Variants in ELAVL1 observed in about 807,000 individuals in gnomAD.
ELAVL1 encodes the protein ELAV-like protein 1.
ELAVL1 carries 1 observed loss-of-function variant against 28.4 expected under a neutral mutation model. That is an observed-to-expected ratio of 0.04 (90% CI 0.01 to 0.17). The LOEUF is 0.17. Among genes scored for constraint, ELAVL1 ranks in the 10% least tolerant of loss-of-function variants. ELAVL1 has a pLI of 1.00. For synonymous variants in ELAVL1, 174 were observed against 183.5 expected, an observed-to-expected ratio of 0.95 and a Z score of 0.42; for missense variants, 157 against 447.2, an observed-to-expected ratio of 0.35 and a Z score of 5.85.
intron 1 of ELAVL1, 87 bp downstream of exon 1, chr19:8,005,408 G>C (rs2081084070): frequency 6.8e-6 from 1 of 146,316 alleles, no homozygotes; most frequent in Non-Finnish European, 1.5e-5. Flanking sequence ...GTGCAGGCCC[G>C]CGGGCGCCCC....
chr19:7,984,057 G>A (rs1985535906), intron 2 of ELAVL1, among the ~76,000 whole-genome samples: 1 of 152,074 alleles, frequency 6.6e-6, no homozygotes, highest in South Asian at 2.1e-4. Context: ...TTTGGCCCTT[G>A]TCTCTGCCAC....
At chr19:7,980,722 CTGAG>C in intron 3 of ELAVL1, among the ~76,000 whole-genome samples, 1 of 152,156 alleles carries the variant, frequency 6.6e-6, no homozygotes, top group East Asian at 1.9e-4. Flanking sequence ...ACAGTAGGTG[CTGAG>C]TGAGGTGCTG....
intron 4 of ELAVL1, among the ~76,000 whole-genome samples, chr19:7,969,205 G>A (rs1985036444): frequency 6.6e-6 from 1 of 152,180 alleles, no homozygotes; most frequent in Admixed American, 6.5e-5. Context: ...CACCTCTTAA[G>A]GAAAAAGAAA....
intron 1 of ELAVL1, among the ~76,000 whole-genome samples, chr19:7,998,093 C>T (rs991792062): frequency 2.0e-5 from 3 of 152,180 alleles, no homozygotes; most frequent in Admixed American, 6.5e-5. Flanking sequence ...ACTAGTAACA[C>T]GGGAGAAACC....
At chr19:7,998,209 C>CAT (rs2145228588) in intron 1 of ELAVL1, among the ~76,000 whole-genome samples, 1 of 152,268 alleles carries the variant, frequency 6.6e-6, no homozygotes, top group East Asian at 1.9e-4. Context: ...CAATCCTGGG[C>CAT]CAAATCAGCT....
intron 3 of ELAVL1, among the ~76,000 whole-genome samples, chr19:7,980,339 C>A (rs1016052420): frequency 1.1e-4 from 17 of 152,196 alleles, no homozygotes; most frequent in African/African-American, 4.1e-4. Flanking sequence ...CGGAAAGACA[C>A]GAGGCTTGAT....
intron 2 of ELAVL1, among the ~76,000 whole-genome samples, chr19:7,984,817 C>T (rs560723510): frequency 1.3e-5 from 2 of 152,360 alleles, no homozygotes; most frequent in African/African-American, 4.8e-5. Flanking sequence ...AGCACCTGAC[C>T]ACCCACCTCC....
chr19:7,973,595 C>G, intron 4 of ELAVL1, 130 bp downstream of exon 4: 2 of 1,188,104 alleles, frequency 1.7e-6, no homozygotes, highest in East Asian at 2.5e-5. Context: ...AACGTCTTCT[C>G]ATTTTGGTGC....
intron 1 of ELAVL1, among the ~76,000 whole-genome samples, chr19:8,001,799 C>G (rs976055773): frequency 2.0e-5 from 3 of 152,132 alleles, no homozygotes; most frequent in African/African-American, 7.2e-5. Flanking sequence ...TGGATCCAGT[C>G]GCTTCTGAGT....
At chr19:7,974,705 G>C (rs1488542076) in intron 3 of ELAVL1, among the ~76,000 whole-genome samples, 1 of 152,160 alleles carries the variant, frequency 6.6e-6, no homozygotes, top group Non-Finnish European at 1.5e-5. Flanking sequence ...ATGTGTTCCC[G>C]AGAAGGGTGG....
chr19:8,002,292 T>C (rs892974881), intron 1 of ELAVL1: 5 of 415,882 alleles, frequency 1.2e-5, no homozygotes, highest in East Asian at 7.2e-5. Flanking sequence ...GGAAGCATTC[T>C]GGGCTCTCCT....
rs149337587 is a variant in ELAVL1 at position 7,967,750 on chromosome 19, C to A, written c.471G>T (p.Arg157=). 181 of 1,614,206 alleles carry A rather than the reference C, an allele frequency of 1.1e-4. No homozygotes were observed. In the African/African-American group the frequency reaches 2.2e-3, roughly 19 times the overall value. Residue 157 remains arginine, a synonymous_variant, in exon 5 of 6, where the codon CGG becomes CGT. Transcript: ENST00000407627. ...TGGTAATTGCCTCTTCTGCCTCCGA[C>A]CGTTTGTCAAACCGGATAAACGCAA... is the stretch of plus-strand genomic sequence containing the variant. The part of the protein sequence containing the change: ...RGVAFIRFDK[R]SEAEEAITSF...
chr19:7,974,677 TGGA>T (rs992274461), intron 3 of ELAVL1, among the ~76,000 whole-genome samples: 152 of 152,086 alleles, frequency 1.0e-3, no homozygotes, highest in African/African-American at 3.6e-3. Context: ...GGCTGGGATA[TGGA>T]GGAGGGAGCA....
chr19:8,003,552 C>T (rs567029838), intron 1 of ELAVL1, among the ~76,000 whole-genome samples: 23 of 151,608 alleles, frequency 1.5e-4, no homozygotes, highest in Non-Finnish European at 2.8e-4. Context: ...ATTAGTCGGG[C>T]GTGGTAGCCG....
chr19:7,987,791 G>A (rs1985646135), intron 2 of ELAVL1, among the ~76,000 whole-genome samples: 1 of 152,248 alleles, frequency 6.6e-6, no homozygotes, highest in Non-Finnish European at 1.5e-5. Flanking sequence ...CTCATGTGCT[G>A]GACCAGAAAG....
rs1435699676 is a variant in ELAVL1, at chr19:7,981,373, A to T, written c.173-187T>A. On this transcript the variant is annotated intron_variant, in intron 2 of 5. Coordinates refer to ENST00000407627, the MANE Select transcript of ELAVL1 (RefSeq NM_001419.3). The surrounding 1 kb of genome is among the most constrained non-coding windows in gnomAD (Gnocchi z 4.2). ...CAGGTTCCTTTTTTTTTTTTTTTTTAAAGAGATAGGATCTTGCTCTGTCAC... is the reference window on the plus strand; with the variant it reads ...CAGGTTCCTTTTTTTTTTTTTTTTTTAAGAGATAGGATCTTGCTCTGTCAC... Among the ~76,000 whole-genome samples the T allele has an allele frequency of 6.2e-5, 9 of 144,560 alleles. No homozygotes were observed. The highest frequency in any genetic ancestry group is 2.2e-4 in the South Asian group (1 of 4,556). The allele number at this position is 144,560 out of a possible 152,430, so 94.8% of individuals were successfully genotyped here. A position where few individuals can be genotyped will look rare whatever the true frequency, so the allele number is the denominator to read the frequency against.
At position 7,962,570 on chromosome 19, in the gene ELAVL1, C is replaced by T. The variant is rs1984841025; in HGVS notation, c.*913G>A. ...CTCACGAGAAGGGATGCGAGAAATA[C>T]AATGCTCAAATGTTTCTGTGTTATT... On this transcript the variant is annotated 3_prime_UTR_variant, in exon 6 of 6. Coordinates refer to ENST00000407627, the MANE Select transcript of ELAVL1 (RefSeq NM_001419.3). 1 of 152,596 alleles carries T rather than the reference C, an allele frequency of 6.6e-6. No homozygotes were observed. The highest frequency in any genetic ancestry group is 1.5e-5 in the Non-Finnish European group (1 of 68,032). 9.5% of individuals were successfully genotyped at this position (152,596 alleles called of 1,614,324 possible). A position where few individuals can be genotyped will look rare whatever the true frequency, so the allele number is the denominator to read the frequency against.
chr19:8,001,857 G>A (rs887847671), intron 1 of ELAVL1, among the ~76,000 whole-genome samples: 1 of 152,058 alleles, frequency 6.6e-6, no homozygotes. Flanking sequence ...TATCAACCAC[G>A]TGCCAGGCAC....
In ELAVL1 at chr19:7,960,322, A is replaced by G. The variant is rs902596632; in HGVS notation, c.*3161T>C. On this transcript the variant is annotated 3_prime_UTR_variant, in exon 6 of 6. Coordinates refer to ENST00000407627, the MANE Select transcript of ELAVL1 (RefSeq NM_001419.3). The stretch of plus-strand genomic sequence containing the variant: ...TAAGGCAGCTGCCCTTGGCCAGGAA[A>G]AGGCTCACCTTCCAGGAGAAGGTGG... The G allele has an allele frequency of 6.6e-6, 1 of 152,188 alleles. No individual in the cohort carries two copies. Among genetic ancestry groups the G allele is most frequent in the African/African-American group, 2.4e-5 (1 of 41,446 alleles). 9.4% of individuals were successfully genotyped at this position (152,188 alleles called of 1,614,324 possible). A position where few individuals can be genotyped will look rare whatever the true frequency, so the allele number is the denominator to read the frequency against.
Sources: gnomAD v4.1 joint callset for allele counts (sites outside exome capture counted in the v4.1 genomes callset) on GRCh38, gnomAD v4.1.1 for gene constraint, Gnocchi (gnomAD v3.1) non-coding constraint, MANE v1.5 for transcripts, NCBI Gene and HGNC (gene_info 2026-07-23, HGNC 2026-07-21) for gene names.